PACSIN3: variants seen among roughly 807,000 people sequenced by gnomAD.
The protein encoded by PACSIN3 is protein kinase C and casein kinase substrate in neurons 3.
Under a neutral mutation model 56.1 loss-of-function variants are expected in PACSIN3, and 34 were observed. That is an observed-to-expected ratio of 0.61 (90% CI 0.46 to 0.81). PACSIN3 has a LOEUF of 0.81. Ranked by LOEUF, PACSIN3 falls within the 30% of genes least tolerant of loss-of-function variation. The pLI is 0.00. For missense variants in PACSIN3, 535 were observed against 592.4 expected (o/e 0.90, Z 1.01); for synonymous variants, 218 against 229.8 (o/e 0.95, Z 0.46).
Position 47,180,359 on chromosome 11 carries a change from C to T in PACSIN3, c.448-18G>A. On this transcript the variant is annotated intron_variant, in intron 5 of 10. Transcript: ENST00000298838. ...GCCTCAACCTGGCATGCATGGAGAC[C>T]ACTCTGGACCCTGGATGCCACACCT... 1 of 1,601,212 alleles carries T rather than the reference C, an allele frequency of 6.2e-7. No homozygotes were observed. The highest frequency in any genetic ancestry group is 8.5e-7 in the Non-Finnish European group (1 of 1,179,688).
Position 47,186,204 on chromosome 11 carries a change from C to G in PACSIN3, c.-104+145G>C, listed in dbSNP as rs1229862966. 2.0e-5 allele frequency: 3 copies of G among 151,952 alleles called. No homozygotes were observed. The highest frequency in any genetic ancestry group is 2.9e-5 in the Non-Finnish European group (2 of 67,924). The allele number at this position is 151,952 out of a possible 1,614,324, so 9.4% of individuals were successfully genotyped here. A position where few individuals can be genotyped will look rare whatever the true frequency, so the allele number is the denominator to read the frequency against. ...CCCTCGGCGCGGCTACGGCCCTTCC[C>G]GTCGGCACGCAGAGCGGGGTGGCCG... On this transcript the variant is annotated intron_variant, in intron 1 of 10. Transcript: ENST00000298838. The surrounding 1 kb of genome is among the most constrained non-coding windows in gnomAD (Gnocchi z 4.5).
intron 2 of PACSIN3, 83 bp from the exon 3 acceptor site, chr11:47,182,847 C>T (rs971844215): frequency 3.0e-5 from 30 of 1,009,354 alleles, no homozygotes; most frequent in Non-Finnish European, 3.4e-5. Flanking sequence ...ACCTGGGCCT[C>T]GCCCCACTGC....
At chr11:47,182,632 C>T in intron 3 of PACSIN3, 42 bp downstream of exon 3, 1 of 1,603,686 alleles carries the variant, frequency 6.2e-7, no homozygotes, top group Non-Finnish European at 8.5e-7. Flanking sequence ...AGATGGGCTC[C>T]TCCCCTAGAC....
chr11:47,180,750 C>T (rs1156640763), intron 4 of PACSIN3, 60 bp from the exon 5 acceptor site: 3 of 1,394,076 alleles, frequency 2.2e-6, no homozygotes, highest in East Asian at 4.8e-5. Context: ...AGCCTAGCCC[C>T]TCTCACTGGG....
At chr11:47,182,820 GAA>G (rs1953053977) in intron 2 of PACSIN3, 56 bp from the exon 3 acceptor site, 1 of 1,362,930 alleles carries the variant, frequency 7.3e-7, no homozygotes, top group African/African-American at 1.5e-5. Context: ...CTGGGGATAG[GAA>G]AAGACCCTCT....
chr11:47,178,522 G>A lies in PACSIN3; in HGVS notation c.1038-35C>T. The A allele has an allele frequency of 4.4e-6, 7 of 1,607,238 alleles. No individual in the cohort carries two copies. Among genetic ancestry groups the A allele is most frequent in the East Asian group, 4.5e-5 (2 of 44,786 alleles). Reference sequence around the variant, plus strand: ...GGAGGCAAAGGGAGCAGCTCAGAGTGCAAGGAACACGGGGCTGGAGATCTC... The same window carrying A: ...GGAGGCAAAGGGAGCAGCTCAGAGTACAAGGAACACGGGGCTGGAGATCTC... On this transcript the variant is annotated intron_variant, in intron 9 of 10. Coordinates refer to ENST00000298838, the MANE Select transcript of PACSIN3 (RefSeq NM_016223.5). The surrounding 1 kb of genome is among the most constrained non-coding windows in gnomAD (Gnocchi z 4.2).
At position 47,178,770 on chromosome 11, in the gene PACSIN3, C is replaced by T; in HGVS notation, c.1037+124G>A. On this transcript the variant is annotated intron_variant, in intron 9 of 10. Coordinates refer to ENST00000298838, the MANE Select transcript of PACSIN3 (RefSeq NM_016223.5). This position sits in a 1 kb window ranked among gnomAD's most constrained non-coding sequence, Gnocchi z 4.2. ...GTATCATTACAACTACTAAGTAGGC[C>T]CTCAGGTCCCTGGCACCAATTTTCA... 1 of 1,128,776 alleles carries T rather than the reference C, an allele frequency of 8.9e-7. No individual in the cohort carries two copies. Among genetic ancestry groups the T allele is most frequent in the Non-Finnish European group, 1.3e-6 (1 of 793,090 alleles). The allele number at this position is 1,128,776 out of a possible 1,614,324, so 69.9% of individuals were successfully genotyped here.
rs777576673 is a variant in PACSIN3 at position 47,179,553 on chromosome 11, G to A, written c.637C>T (p.Leu213=). The A allele has an allele frequency of 3.1e-6, 5 of 1,613,668 alleles. No individual in the cohort carries two copies. In the African/African-American group the frequency reaches 6.7e-5, roughly 22 times the overall value. ...KAQYEQTLAE[L]HRYTPRYMED... is the part of the protein sequence containing the mutation. ...ATGTAGCGTGGAGTGTAGCGATGCA[G>A]CTCTGCCAGCGTCTGCTCATACTGA... Residue 213 remains leucine, a synonymous_variant, in exon 7 of 11, where the codon CTG becomes TTG. Transcript: ENST00000298838. The surrounding 1 kb of genome is among the most constrained non-coding windows in gnomAD (Gnocchi z 4.4).
In PACSIN3 at chr11:47,186,151, A is replaced by AGCCCGCGGAATTGCGG. The variant is rs1565142534; in HGVS notation, c.-104+197_-104+198insCCGCAATTCCGCGGGC. Among the ~76,000 whole-genome samples, 1 of 151,938 alleles carries AGCCCGCGGAATTGCGG rather than the reference A, an allele frequency of 6.6e-6. No individual in the cohort carries two copies. The highest frequency in any genetic ancestry group is 1.5e-5 in the Non-Finnish European group (1 of 67,910). ...CCCCCGGGCGGCCTGCGGAATTGCG[A>AGCCCGCGGAATTGCGG]AGCCCGCGGCACCGCAGATGGGACG... On this transcript the variant is annotated intron_variant, in intron 1 of 10. Coordinates refer to ENST00000298838, the MANE Select transcript of PACSIN3 (RefSeq NM_016223.5). This position sits in a 1 kb window ranked among gnomAD's most constrained non-coding sequence, Gnocchi z 4.5.
chr11:47,180,156 G>A (rs751762637), intron 6 of PACSIN3, 30 bp downstream of exon 6: 29 of 1,584,934 alleles, frequency 1.8e-5, no homozygotes, highest in Non-Finnish European at 2.1e-5. Context: ...GCCCTGGGCG[G>A]GGGCCAGGGC....
At chr11:47,180,382 C>T in intron 5 of PACSIN3, 41 bp from the exon 6 acceptor site, 1 of 1,599,922 alleles carries the variant, frequency 6.3e-7, no homozygotes. Flanking sequence ...GGATGCCACA[C>T]CTTGGCCCCC....
chr11:47,182,831 C>G (rs1953054175), intron 2 of PACSIN3, 67 bp from the exon 3 acceptor site: 6 of 1,261,922 alleles, frequency 4.8e-6, no homozygotes, highest in Non-Finnish European at 6.6e-6. Flanking sequence ...AAAAGACCCT[C>G]TCTATACCTG....
rs77609691 is a variant in PACSIN3, at chr11:47,180,957, A to C, written c.212-267T>G. Among the ~76,000 whole-genome samples the C allele has an allele frequency of 5.3e-5, 8 of 152,344 alleles. No individual in the cohort carries two copies. The East Asian group carries it at 1.5e-3, about 29-fold the overall frequency. On this transcript the variant is annotated intron_variant, in intron 4 of 10. Coordinates refer to ENST00000298838, the MANE Select transcript of PACSIN3 (RefSeq NM_016223.5). ...CCAGAGATGTGAACTCGCCCAAAGC[A>C]TTATGGCTACAACAGGAGCTGAGGG...
Position 47,180,361 on chromosome 11 carries a change from C to A in PACSIN3, c.448-20G>T. The stretch of plus-strand genomic sequence containing the variant: ...CTCAACCTGGCATGCATGGAGACCA[C>A]TCTGGACCCTGGATGCCACACCTTG... On this transcript the variant is annotated intron_variant, in intron 5 of 10. Transcript: ENST00000298838. The A allele has an allele frequency of 6.2e-7, 1 of 1,601,248 alleles. No homozygotes were observed.
rs1373386986 is a variant in PACSIN3, at chr11:47,186,182, T to C, written c.-104+167A>G. Among the ~76,000 whole-genome samples, 1 of 151,750 alleles carries C rather than the reference T, an allele frequency of 6.6e-6. No homozygotes were observed. Among genetic ancestry groups the C allele is most frequent in the Non-Finnish European group, 1.5e-5 (1 of 67,868 alleles). ...GCGGCACCGCAGATGGGACGGCCCC[T>C]CGGCGCGGCTACGGCCCTTCCCGTC... On this transcript the variant is annotated intron_variant, in intron 1 of 10. Transcript: ENST00000298838. This position sits in a 1 kb window ranked among gnomAD's most constrained non-coding sequence, Gnocchi z 4.5.
At position 47,178,446 on chromosome 11, in the gene PACSIN3, C is replaced by CG; in HGVS notation, c.1078dup (p.Arg360ProfsTer14). The CG allele has an allele frequency of 6.2e-7, 1 of 1,613,906 alleles. No homozygotes were observed. Among genetic ancestry groups the CG allele is most frequent in the South Asian group, 1.1e-5 (1 of 91,084 alleles). ...CACCCGAACCCCGGTGGCAGCCTTC[C>CG]GGGGACTCTCTTCATCTGACCACTC... On this transcript the variant is annotated frameshift_variant, in exon 10 of 11. Transcript: ENST00000298838. LOFTEE classifies it high-confidence loss of function. The surrounding 1 kb of genome is among the most constrained non-coding windows in gnomAD (Gnocchi z 4.2).
rs1195578744 is a variant in PACSIN3 at position 47,177,866 on chromosome 11, C to T, written c.*65G>A. 1 of 1,284,542 alleles carries T rather than the reference C, an allele frequency of 7.8e-7. No individual in the cohort carries two copies. The allele number at this position is 1,284,542 out of a possible 1,614,324, so 79.6% of individuals were successfully genotyped here. ...ACGGTTCAGGGCCCTGAGGGTCCGG[C>T]TCTCCAGGAGAAGCTGGGCTCTGAA... On this transcript the variant is annotated 3_prime_UTR_variant, in exon 11 of 11. Transcript: ENST00000298838.
In PACSIN3 at chr11:47,178,817, A is replaced by T; in HGVS notation, c.1037+77T>A. The T allele has an allele frequency of 6.4e-7, 1 of 1,557,694 alleles. No individual in the cohort carries two copies. Among genetic ancestry groups the T allele is most frequent in the Admixed American group, 1.8e-5 (1 of 56,090 alleles). ...TTCAACCCATTTCAGGTGTGAAAGAAATGAAACCAAGGAGAAAGGAAAGGA... is the reference window on the plus strand; with the variant it reads ...TTCAACCCATTTCAGGTGTGAAAGATATGAAACCAAGGAGAAAGGAAAGGA... On this transcript the variant is annotated intron_variant, in intron 9 of 10. Coordinates refer to ENST00000298838, the MANE Select transcript of PACSIN3 (RefSeq NM_016223.5). The surrounding 1 kb of genome is among the most constrained non-coding windows in gnomAD (Gnocchi z 4.2).
At position 47,179,005 on chromosome 11, in the gene PACSIN3, G is replaced by A. The variant is rs1276729526; in HGVS notation, c.926C>T (p.Thr309Ile). 7 of 1,613,928 alleles carry A rather than the reference G, an allele frequency of 4.3e-6. No individual in the cohort carries two copies. The Admixed American group carries it at 1.0e-4, about 23-fold the overall frequency. ...GCCACCCTTCTCTTTCCGGCTGATT[G>A]TCCTCTGTGTGTCCAAGGACCACTC... ...FEEWSLDTQR[T>I]ISRKEKGGRS... The change falls in exon 9 of 11, where the codon ACA becomes ATA. Residue 309 changes from threonine to isoleucine, a missense_variant. Thr to Ile is a moderately conservative substitution (Grantham distance 89). Coordinates refer to ENST00000298838, the MANE Select transcript of PACSIN3 (RefSeq NM_016223.5). This position sits in a 1 kb window ranked among gnomAD's most constrained non-coding sequence, Gnocchi z 4.4.
Sources: gnomAD v4.1 joint callset for allele counts (sites outside exome capture counted in the v4.1 genomes callset) on GRCh38, gnomAD v4.1.1 for gene constraint, Gnocchi (gnomAD v3.1) non-coding constraint, MANE v1.5 for transcripts, NCBI Gene and HGNC (gene_info 2026-07-23, HGNC 2026-07-21) for gene names.